PKIB: variants seen among roughly 807,000 people sequenced by gnomAD.
PKIB encodes the protein cAMP-dependent protein kinase inhibitor beta, also known as PKI-beta.
A neutral mutation model predicts 4.5 loss-of-function variants in PKIB; 2 were observed. The observed-to-expected ratio is 0.44, with a 90% CI of 0.18 to 1.39. The LOEUF is 1.39. Ranked by LOEUF, PKIB falls within the 40% of genes most tolerant of loss-of-function variation. PKIB has a pLI of 0.27. For missense variants in PKIB, 94 were observed against 92.6 expected (o/e 1.02, Z -0.06); for synonymous variants, 38 against 36.0 (o/e 1.06, Z -0.20).
At chr6:122,481,786 ACTT>A (rs1775617692) in intron 2 of PKIB, 1 of 152,160 alleles carries the variant, frequency 6.6e-6, no homozygotes, top group African/African-American at 2.4e-5. Context: ...AGTGTTTGCA[ACTT>A]TTCTGAAGTC....
intron 3 of PKIB, among the ~76,000 whole-genome samples, chr6:122,712,443 A>G (rs1002984046): frequency 6.6e-6 from 1 of 152,184 alleles, no homozygotes; most frequent in African/African-American, 2.4e-5. Context: ...TAGGCAGAGA[A>G]CTGAAAACAT....
chr6:122,547,586 C>T (rs756166340), intron 2 of PKIB, among the ~76,000 whole-genome samples: 4 of 152,110 alleles, frequency 2.6e-5, no homozygotes, highest in Non-Finnish European at 5.9e-5. Context: ...GATCCACCCA[C>T]CTCAGCCTCT....
intron 3 of PKIB, among the ~76,000 whole-genome samples, chr6:122,686,787 C>T (rs965213617): frequency 6.6e-6 from 1 of 152,090 alleles, no homozygotes; most frequent in Admixed American, 6.5e-5. Flanking sequence ...CCACATCCAG[C>T]CTTTTTTGCC....
chr6:122,677,894 T>TTCCTTC lies in PKIB; in HGVS notation c.-9+2750_-9+2751insTCCTTC, dbSNP rs1582803382. On this transcript the variant is annotated intron_variant, in intron 3 of 4. Transcript: ENST00000368452. ...TCCTTCCTTCCTTCCTTCCTTCCTT[T>TTCCTTC]CTTTCTTTCTTTCCTCTTTCTTTTT... Among the ~76,000 whole-genome samples, 440 of 58,962 alleles carry TTCCTTC rather than the reference T, an allele frequency of 7.5e-3. 2 individuals are homozygous for TTCCTTC. Among genetic ancestry groups the TTCCTTC allele is most frequent in the African/African-American group, 0.011 (189 of 17,260 alleles). The allele number at this position is 58,962 out of a possible 152,430, so 38.7% of individuals were successfully genotyped here.
upstream of PKIB, among the ~76,000 whole-genome samples, chr6:122,605,360 CT>C (rs1265740946): frequency 2.0e-5 from 3 of 152,188 alleles, no homozygotes; most frequent in Non-Finnish European, 4.4e-5. Flanking sequence ...GAGTGTTATG[CT>C]TTTTAAAGAG....
chr6:122,575,180 A>T (rs951114556), intron 2 of PKIB, among the ~76,000 whole-genome samples: 1 of 152,208 alleles, frequency 6.6e-6, no homozygotes, highest in Non-Finnish European at 1.5e-5. Context: ...AGGGAAATGT[A>T]AATTAAAACC....
chr6:122,627,915 A>T (rs1775523669), intron 1 of PKIB, among the ~76,000 whole-genome samples: 1 of 152,136 alleles, frequency 6.6e-6, no homozygotes, highest in Admixed American at 6.5e-5. Flanking sequence ...AAATAAGTAA[A>T]CTCATACAAG....
chr6:122,565,314 T>C (rs1773154858), intron 2 of PKIB, among the ~76,000 whole-genome samples: 1 of 152,202 alleles, frequency 6.6e-6, no homozygotes, highest in Admixed American at 6.5e-5. Context: ...TCTATTCTTA[T>C]TTTCAATGTT....
In PKIB at chr6:122,700,788, A is replaced by C. The variant is rs571973400; in HGVS notation, c.-8-16999A>C. Among the ~76,000 whole-genome samples, 6 of 152,274 alleles carry C rather than the reference A, an allele frequency of 3.9e-5. No individual in the cohort carries two copies. In the East Asian group the frequency reaches 9.7e-4, roughly 25 times the overall value. On this transcript the variant is annotated intron_variant, in intron 3 of 4. Coordinates refer to ENST00000368452, the MANE Select transcript of PKIB (RefSeq NM_181795.3). ...CAAACTTTCTGGGTACTTATGGGAA[A>C]ACATTAGGGAGCTTAGTGGCCTTTC...
intron 2 of PKIB, among the ~76,000 whole-genome samples, chr6:122,497,623 G>A (rs1172881268): frequency 2.0e-5 from 3 of 151,966 alleles, no homozygotes; most frequent in Non-Finnish European, 4.4e-5. Flanking sequence ...ACAAAGAAGG[G>A]CACTACATAA....
At chr6:122,652,738 C>T (rs1385644852) in intron 2 of PKIB, 1 of 152,154 alleles carries the variant, frequency 6.6e-6, no homozygotes, top group African/African-American at 2.4e-5. Flanking sequence ...TAATTATCCG[C>T]ACAGGCTCTA....
chr6:122,651,282 T>G (rs1378769276), intron 2 of PKIB, among the ~76,000 whole-genome samples: 1 of 152,200 alleles, frequency 6.6e-6, no homozygotes, highest in East Asian at 1.9e-4. Context: ...TTGTATAAAT[T>G]GGAAAACTCA....
At chr6:122,700,397 G>T (rs1374519987) in intron 3 of PKIB, among the ~76,000 whole-genome samples, 1 of 151,806 alleles carries the variant, frequency 6.6e-6, no homozygotes, top group African/African-American at 2.4e-5. Flanking sequence ...AGGGTTAGGG[G>T]TTTCCCCCAC....
intron 3 of PKIB, among the ~76,000 whole-genome samples, chr6:122,713,904 T>A (rs1322721481): frequency 1.3e-5 from 2 of 152,204 alleles, no homozygotes; most frequent in Admixed American, 6.5e-5. Context: ...CTTTTCCCCC[T>A]ATAAATATTA....
chr6:122,538,540 C>G (rs1777480570), intron 2 of PKIB, among the ~76,000 whole-genome samples: 1 of 151,986 alleles, frequency 6.6e-6, no homozygotes, highest in Non-Finnish European at 1.5e-5. Context: ...TGATCTATAT[C>G]TCTGTTTTGG....
At chr6:122,559,421 A>G (rs1005642867) in intron 2 of PKIB, among the ~76,000 whole-genome samples, 8 of 152,020 alleles carry the variant, frequency 5.3e-5, no homozygotes, top group Non-Finnish European at 1.2e-4. Context: ...CTATCCCAGT[A>G]TCATGCTGTT....
At position 122,476,754 on chromosome 6, in the gene PKIB, G is replaced by A. The variant is rs17052983; in HGVS notation, c.-336-1097G>A. 7.2e-3 allele frequency among the ~76,000 whole-genome samples: 1,092 copies of A among 152,238 alleles called. 11 individuals carry two copies. Among genetic ancestry groups the A allele is most frequent in the African/African-American group, 0.024 (995 of 41,546 alleles). Reference sequence around the variant, plus strand: ...GAGAAGGGAGTGACTTCTTGAAAAAGTGTAAATGACATTTCTAAAACATTT... The same window carrying A: ...GAGAAGGGAGTGACTTCTTGAAAAAATGTAAATGACATTTCTAAAACATTT... On this transcript the variant is annotated intron_variant, in intron 1 of 6. Transcript: ENST00000392491.
intron 2 of PKIB, among the ~76,000 whole-genome samples, chr6:122,537,302 T>A (rs991324626): frequency 4.6e-5 from 7 of 152,270 alleles, no homozygotes; most frequent in Non-Finnish European, 1.0e-4. Flanking sequence ...TATCTCCTAA[T>A]GCTATCCCTC....
Position 122,701,399 on chromosome 6 carries a change from T to A in PKIB, c.-8-16388T>A, listed in dbSNP as rs2115027802. ...TGAGCTCTGGTAAGCAGGAATGAAGTACTGACTGGTTAAGGCACTGTTTTC... is the reference window on the plus strand; with the variant it reads ...TGAGCTCTGGTAAGCAGGAATGAAGAACTGACTGGTTAAGGCACTGTTTTC... On this transcript the variant is annotated intron_variant, in intron 3 of 4. Coordinates refer to ENST00000368452, the MANE Select transcript of PKIB (RefSeq NM_181795.3). 3 of 1,498,536 alleles carry A rather than the reference T, an allele frequency of 2.0e-6. No individual in the cohort carries two copies. In the Middle Eastern group the frequency reaches 5.1e-4, roughly 254 times the overall value. 92.8% of individuals were successfully genotyped at this position (1,498,536 alleles called of 1,614,324 possible).
Sources: gnomAD v4.1 joint callset for allele counts (sites outside exome capture counted in the v4.1 genomes callset) on GRCh38, gnomAD v4.1.1 for gene constraint, MANE v1.5 for transcripts, NCBI Gene and HGNC (gene_info 2026-07-23, HGNC 2026-07-21) for gene names.